GABRR1: variants seen among roughly 807,000 people sequenced by gnomAD.
The protein encoded by GABRR1 is gamma-aminobutyric acid type A receptor subunit rho1.
GABRR1 carries 59 observed loss-of-function variants against 55.5 expected under a neutral mutation model. That is an observed-to-expected ratio of 1.06 (90% confidence interval 0.86 to 1.32). The LOEUF is 1.32. Ranked by LOEUF, GABRR1 falls within the 40% of genes most tolerant of loss-of-function variation. The pLI, the probability that GABRR1 is intolerant of heterozygous loss-of-function variation, is 0.00. For missense variants in GABRR1, 602 were observed against 619.1 expected (o/e 0.97, Z 0.29); for synonymous variants, 213 against 226.0 (o/e 0.94, Z 0.51).
intron 6 of GABRR1, among the ~76,000 whole-genome samples, chr6:89,189,470 A>G (rs1412692284): frequency 7.9e-6 from 1 of 126,808 alleles, no homozygotes; most frequent in Non-Finnish European, 1.6e-5. Flanking sequence ...ATGAGATCAC[A>G]TGGACACAGG....
intron 1 of GABRR1, among the ~76,000 whole-genome samples, chr6:89,226,033 T>A (rs1387228256): frequency 1.3e-5 from 2 of 151,900 alleles, no homozygotes; most frequent in African/African-American, 4.8e-5. Context: ...GAGCATTTTT[T>A]CATGTGTTTT....
intron 6 of GABRR1, among the ~76,000 whole-genome samples, chr6:89,186,357 G>C (rs569259876): frequency 1.3e-5 from 2 of 152,340 alleles, no homozygotes; most frequent in African/African-American, 4.8e-5. Context: ...GATAATCTGG[G>C]TGGGCCTGAT....
intron 1 of GABRR1, chr6:89,205,787 C>T (rs2297389): frequency 0.84 from 127,135 of 152,068 alleles, 53,396 homozygotes; most frequent in East Asian, 0.9. Context: ...AAGCAGAAAC[C>T]GGCTAATGAA....
rs181482695 is a variant in GABRR1, at chr6:89,182,896, T to C, written c.797-839A>G. ...GTCTCTATTAGGAAAAAAAATAATT[T>C]TATATATATATATGTAATTTGTTCA... On this transcript the variant is annotated intron_variant, in intron 7 of 9. Transcript: ENST00000454853. Among the ~76,000 whole-genome samples, 62 of 151,580 alleles carry C rather than the reference T, an allele frequency of 4.1e-4. No homozygotes were observed. In the East Asian group the frequency reaches 0.011, roughly 27 times the overall value.
rs1404179902 is a variant in GABRR1, at chr6:89,204,048, T to C, written c.123-563A>G. ...TTGCTGATAATCACAGTATCTTCAA[T>C]AAGCTCCAATAATAGTTAATATTTC... On this transcript the variant is annotated intron_variant, in intron 1 of 9. Coordinates refer to ENST00000454853, the MANE Select transcript of GABRR1 (RefSeq NM_002042.5). Among the ~76,000 whole-genome samples the C allele has an allele frequency of 6.0e-4, 91 of 152,238 alleles. 2 individuals carry two copies. Among genetic ancestry groups the C allele is most frequent in the Admixed American group, 6.0e-3 (91 of 15,292 alleles).
chr6:89,208,105 A>G (rs573274499), intron 1 of GABRR1, among the ~76,000 whole-genome samples: 25 of 152,352 alleles, frequency 1.6e-4, no homozygotes, highest in Admixed American at 1.6e-3. Flanking sequence ...AGGCGATGCT[A>G]CAAGGGTAGG....
upstream of GABRR1, among the ~76,000 whole-genome samples, chr6:89,220,343 C>A (rs1468751262): frequency 6.6e-6 from 1 of 152,108 alleles, no homozygotes; most frequent in African/African-American, 2.4e-5. Flanking sequence ...CAGGCGGTAC[C>A]AGCTGCTGAG....
chr6:89,179,373 C>T (rs1424326388), intron 9 of GABRR1, among the ~76,000 whole-genome samples: 1 of 152,166 alleles, frequency 6.6e-6, no homozygotes, highest in Non-Finnish European at 1.5e-5. Flanking sequence ...ATGCACACCA[C>T]CATGCCAGGC....
At chr6:89,199,492 T>G in intron 3 of GABRR1, 63 bp from the exon 4 acceptor site, 3 of 1,500,992 alleles carry the variant, frequency 2.0e-6, no homozygotes, top group Non-Finnish European at 2.8e-6. Flanking sequence ...ATGGAGGAAA[T>G]AGGCAAAAGG....
upstream of GABRR1, among the ~76,000 whole-genome samples, chr6:89,219,978 T>C (rs1473626100): frequency 6.6e-6 from 1 of 152,182 alleles, no homozygotes; most frequent in Non-Finnish European, 1.5e-5. Context: ...GCAGAATATG[T>C]GATGTCTCCC....
intron 5 of GABRR1, 42 bp downstream of exon 5, chr6:89,197,978 T>A (rs1227029792): frequency 6.4e-7 from 1 of 1,558,832 alleles, no homozygotes; most frequent in Non-Finnish European, 8.8e-7. Flanking sequence ...GTGAAACCAA[T>A]GCTTTTCTTG....
At chr6:89,204,468 T>C (rs2183797) in intron 1 of GABRR1, 141,119 of 321,856 alleles carry the variant, frequency 0.44, 31,959 homozygotes, top group East Asian at 0.71. Flanking sequence ...GTTGGATCCC[T>C]GTGGACCCTC....
chr6:89,197,930 A>T, intron 5 of GABRR1, 90 bp downstream of exon 5: 1 of 1,043,998 alleles, frequency 9.6e-7, no homozygotes, highest in African/African-American at 1.6e-5. Context: ...GAAAAGTTAG[A>T]AAGTAGACAT....
chr6:89,199,477 T>G (rs1203725991), intron 3 of GABRR1, 48 bp from the exon 4 acceptor site: 2 of 1,570,996 alleles, frequency 1.3e-6, no homozygotes, highest in African/African-American at 2.7e-5. Flanking sequence ...ACTTGAAATT[T>G]TACTATGGAG....
At chr6:89,204,364 C>T (rs1008297142) in intron 1 of GABRR1, among the ~76,000 whole-genome samples, 5 of 152,176 alleles carry the variant, frequency 3.3e-5, no homozygotes, top group South Asian at 4.1e-4. Flanking sequence ...GAGTGGCATG[C>T]GCTTCAGGCG....
chr6:89,182,982 T>G (rs1237234704), intron 7 of GABRR1, among the ~76,000 whole-genome samples: 1 of 151,910 alleles, frequency 6.6e-6, no homozygotes, highest in Non-Finnish European at 1.5e-5. Context: ...TTAGATTTCT[T>G]TATGGGGAGA....
At position 89,179,033 on chromosome 6, in the gene GABRR1, G is replaced by C. The variant is rs118018352; in HGVS notation, c.1177C>G (p.Arg393Gly). The stretch of plus-strand genomic sequence containing the variant: ...TAGTTGCCGTCCAGCATCGCAGTGC[G>C]GGGCGGAGGTAATCCGCTGGTGCAG... ...LPCTSGLPPPRTAMLDGNYSD... is the reference protein window; with the variant it reads ...LPCTSGLPPPGTAMLDGNYSD... Residue 393 changes from arginine to glycine, a missense_variant, in exon 10 of 10, where the codon CGC becomes GGC. Physicochemically the swap from Arg to Gly is moderately radical, Grantham distance 125. Transcript: ENST00000454853. 1.9e-6 allele frequency: 3 copies of C among 1,614,000 alleles called. No individual in the cohort carries two copies. The highest frequency in any genetic ancestry group is 2.5e-6 in the Non-Finnish European group (3 of 1,179,982).
chr6:89,190,046 A>C, intron 6 of GABRR1, 119 bp downstream of exon 6: 1 of 191,684 alleles, frequency 5.2e-6, no homozygotes, highest in Non-Finnish European at 1.0e-5. Context: ...ACTCCATCTC[A>C]AAAAAAAAAA....
At chr6:89,199,466 T>C in intron 3 of GABRR1, 37 bp from the exon 4 acceptor site, 1 of 1,596,394 alleles carries the variant, frequency 6.3e-7, no homozygotes, top group Non-Finnish European at 8.6e-7. Context: ...TCACTGTTTT[T>C]ACTTGAAATT....
Sources: gnomAD v4.1 joint callset for allele counts (sites outside exome capture counted in the v4.1 genomes callset) on GRCh38, gnomAD v4.1.1 for gene constraint, MANE v1.5 for transcripts, NCBI Gene and HGNC (gene_info 2026-07-23, HGNC 2026-07-21) for gene names.